Variants in ATP9A observed in about 807,000 individuals in gnomAD.
The protein encoded by ATP9A is ATPase phospholipid transporting 9A.
Under a neutral mutation model 144.1 loss-of-function variants are expected in ATP9A, and 52 were observed. The observed-to-expected ratio is 0.36, with a 90% CI of 0.29 to 0.45. The LOEUF (loss-of-function observed/expected upper bound fraction) is 0.45. Ranked by LOEUF, ATP9A falls within the 20% of genes least tolerant of loss-of-function variation. The pLI is 1.00. For missense variants in ATP9A, 947 were observed against 1,392.7 expected, an observed-to-expected ratio of 0.68 and a Z score of 5.09; for synonymous variants, 582 against 557.4, an observed-to-expected ratio of 1.04 and a Z score of -0.62.
At chr20:51,766,282 G>T (rs1391901725) in intron 1 of ATP9A, among the ~76,000 whole-genome samples, 1 of 152,188 alleles carries the variant, frequency 6.6e-6, no homozygotes, top group Admixed American at 6.6e-5. Context: ...GAAAAGGCTA[G>T]TTAAGTTTCC....
At chr20:51,739,337 C>T (rs2077775217) in intron 1 of ATP9A, among the ~76,000 whole-genome samples, 2 of 151,568 alleles carry the variant, frequency 1.3e-5, no homozygotes, top group South Asian at 4.2e-4. Flanking sequence ...TTTCTTCTAT[C>T]CTACACTCAC....
At chr20:51,765,607 G>A (rs193116111) in intron 1 of ATP9A, among the ~76,000 whole-genome samples, 7 of 133,638 alleles carry the variant, frequency 5.2e-5, no homozygotes, top group African/African-American at 1.4e-4. Flanking sequence ...AGCCGAGATC[G>A]TGCCAGCCTT....
chr20:51,721,732 C>T (rs1330281852), intron 3 of ATP9A, among the ~76,000 whole-genome samples: 1 of 145,294 alleles, frequency 6.9e-6, no homozygotes, highest in Non-Finnish European at 1.5e-5. Flanking sequence ...ACCTGGGAGG[C>T]GGAGCTTACA....
intron 9 of ATP9A, among the ~76,000 whole-genome samples, chr20:51,681,623 T>C (rs946602482): frequency 6.6e-6 from 1 of 152,146 alleles, no homozygotes; most frequent in Admixed American, 6.5e-5. Context: ...GGTTTCACCA[T>C]GTTGGTCAAG....
At chr20:51,748,806 C>G (rs909710555) in intron 1 of ATP9A, among the ~76,000 whole-genome samples, 3 of 152,056 alleles carry the variant, frequency 2.0e-5, no homozygotes, top group African/African-American at 7.3e-5. Context: ...TATAACTGAC[C>G]AAGCTCAGTG....
chr20:51,759,014 T>G (rs118139980), intron 1 of ATP9A, among the ~76,000 whole-genome samples: 1 of 152,220 alleles, frequency 6.6e-6, no homozygotes, highest in Middle Eastern at 3.4e-3. Context: ...CCTCTGTGGG[T>G]TTGCAACAAC....
rs747355324 is a variant in ATP9A, at chr20:51,689,053, C to T, written c.799+11G>A. The T allele has an allele frequency of 1.2e-5, 19 of 1,613,248 alleles. No individual in the cohort carries two copies. Among genetic ancestry groups the T allele is most frequent in the East Asian group, 6.7e-5 (3 of 44,864 alleles). The stretch of plus-strand genomic sequence containing the variant: ...CAAATTGCTACCACATTCCTCAAAA[C>T]GGCGCCTCACCTGATGCGACCACAG... On this transcript the variant is annotated intron_variant, in intron 9 of 27. Coordinates refer to ENST00000338821, the MANE Select transcript of ATP9A (RefSeq NM_006045.3).
chr20:51,735,648 T>C (rs373738393), intron 1 of ATP9A, among the ~76,000 whole-genome samples: 4 of 152,214 alleles, frequency 2.6e-5, no homozygotes, highest in African/African-American at 9.6e-5. Flanking sequence ...AAATAAGAAC[T>C]TTGTGTTACC....
At chr20:51,620,433 G>A (rs2077221877) in intron 19 of ATP9A, among the ~76,000 whole-genome samples, 1 of 152,130 alleles carries the variant, frequency 6.6e-6, no homozygotes, top group African/African-American at 2.4e-5. Flanking sequence ...TACAGGGTTA[G>A]GTTTTTGCCC....
Position 51,670,123 on chromosome 20 carries a change from C to T in ATP9A, c.1181-14G>A, listed in dbSNP as rs1418009800. Reference sequence around the variant, plus strand: ...GGGTAAGAGTGCCTAAAACACAAGACAAATGAGTGGCCGGCCTGTCTCTCA... The same window carrying T: ...GGGTAAGAGTGCCTAAAACACAAGATAAATGAGTGGCCGGCCTGTCTCTCA... On this transcript the variant is annotated splice_polypyrimidine_tract_variant and intron_variant, in intron 12 of 27. Transcript: ENST00000338821. 1.9e-6 allele frequency: 3 copies of T among 1,590,080 alleles called. No homozygotes were observed. Among genetic ancestry groups the T allele is most frequent in the Non-Finnish European group, 2.6e-6 (3 of 1,158,136 alleles).
chr20:51,690,431 A>C (rs953472928), intron 8 of ATP9A, among the ~76,000 whole-genome samples: 3 of 152,176 alleles, frequency 2.0e-5, no homozygotes, highest in African/African-American at 7.2e-5. Context: ...AAAAAAAACA[A>C]GAGGACACAG....
At chr20:51,725,385 G>A (rs936433361) in intron 3 of ATP9A, among the ~76,000 whole-genome samples, 7 of 152,240 alleles carry the variant, frequency 4.6e-5, no homozygotes, top group Admixed American at 6.5e-5. Flanking sequence ...GCCTCCCAAA[G>A]TGCTAGGACT....
Position 51,639,362 on chromosome 20 carries a change from C to G in ATP9A, c.1649G>C (p.Arg550Pro), listed in dbSNP as rs770094583. ...ACTCACCCGCACGATGATGCCCATA[C>G]GTTTGCTTTCATAGGTGAAAGGGAA... The part of the protein sequence containing the change: ...QIFPFTYESK[R>P]MGIIVRDEST... The change falls in exon 15 of 28, where the codon CGT becomes CCT. Residue 550 changes from arginine (R) to proline (P), a missense_variant. Transcript: ENST00000338821. The G allele has an allele frequency of 6.2e-7, 1 of 1,613,594 alleles. No homozygotes were observed. Among genetic ancestry groups the G allele is most frequent in the Non-Finnish European group, 8.5e-7 (1 of 1,179,810 alleles).
At chr20:51,712,829 G>C in intron 4 of ATP9A, 137 bp downstream of exon 4, 1 of 747,392 alleles carries the variant, frequency 1.3e-6, no homozygotes, top group Non-Finnish European at 2.3e-6. Context: ...GGCCTCCCTG[G>C]TGCTGGAGTA....
At chr20:51,751,648 C>T (rs990270550) in intron 1 of ATP9A, among the ~76,000 whole-genome samples, 4 of 152,134 alleles carry the variant, frequency 2.6e-5, no homozygotes, top group East Asian at 1.9e-4. Context: ...AGTGCAATGG[C>T]GCAATCTCGG....
rs117976438 is a variant in ATP9A at position 51,715,169 on chromosome 20, C to T, written c.328-2095G>A. 1.8e-4 allele frequency among the ~76,000 whole-genome samples: 28 copies of T among 152,260 alleles called. No homozygotes were observed. The East Asian group carries it at 5.0e-3, about 27-fold the overall frequency. ...TTTACCCTGTGAAATATATTAACTT[C>T]GATTCAAAGGACTTTAAATCTCTTA... On this transcript the variant is annotated intron_variant, in intron 3 of 27. Transcript: ENST00000338821.
At chr20:51,653,442 G>A (rs2077375361) in intron 14 of ATP9A, among the ~76,000 whole-genome samples, 1 of 152,114 alleles carries the variant, frequency 6.6e-6, no homozygotes, top group Non-Finnish European at 1.5e-5. Context: ...GGAGCATCAG[G>A]GGCCTCAGGC....
rs200509988 is a variant in ATP9A at position 51,617,477 on chromosome 20, G to C, written c.2415+13C>G. 6 of 1,606,778 alleles carry C rather than the reference G, an allele frequency of 3.7e-6. No individual in the cohort carries two copies. In the African/African-American group the frequency reaches 6.7e-5, roughly 18 times the overall value. ...TACAGCAAGTGGAGCCGAGCAGAGG[G>C]AAACACTCTCACCTTTCCTTCCACT... On this transcript the variant is annotated intron_variant, in intron 22 of 27. Transcript: ENST00000338821.
intron 5 of ATP9A, among the ~76,000 whole-genome samples, chr20:51,696,512 C>A (rs2077571336): frequency 6.6e-6 from 1 of 152,160 alleles, no homozygotes; most frequent in South Asian, 2.1e-4. Flanking sequence ...TCCTCTCTCG[C>A]TTTCTGCTTC....
Sources: gnomAD v4.1 joint callset for allele counts (sites outside exome capture counted in the v4.1 genomes callset) on GRCh38, gnomAD v4.1.1 for gene constraint, MANE v1.5 for transcripts, NCBI Gene and HGNC (gene_info 2026-07-23, HGNC 2026-07-21) for gene names.